The following XPO4 variants were observed in gnomAD, a reference collection of about 807,000 sequenced individuals.
The protein encoded by XPO4 is exportin 4.
In XPO4, 39 loss-of-function variants were observed where a neutral mutation model predicts 143.0. The observed-to-expected ratio is 0.27, with a 90% confidence interval of 0.21 to 0.36. The LOEUF (loss-of-function observed/expected upper bound fraction) is 0.36. Among genes scored for constraint, XPO4 ranks in the 10% least tolerant of loss-of-function variants. The pLI is 1.00. For missense variants in XPO4, 907 were observed against 1,348.0 expected, an observed-to-expected ratio of 0.67 and a Z score of 5.12; for synonymous variants, 439 against 474.0, an observed-to-expected ratio of 0.93 and a Z score of 0.96.
intron 3 of XPO4, among the ~76,000 whole-genome samples, chr13:20,859,526 G>C (rs2197218): frequency 6.6e-6 from 1 of 152,178 alleles, no homozygotes. Flanking sequence ...CGTAAACCCA[G>C]CAGGTGGAGC....
intron 7 of XPO4, among the ~76,000 whole-genome samples, chr13:20,823,369 C>G (rs1310629510): frequency 3.3e-5 from 5 of 152,162 alleles, no homozygotes; most frequent in African/African-American, 1.2e-4. Context: ...CACTGAGTCC[C>G]TTAATCCTTA....
At chr13:20,881,119 TC>T (rs1281172898) in intron 1 of XPO4, among the ~76,000 whole-genome samples, 3 of 152,136 alleles carry the variant, frequency 2.0e-5, no homozygotes, top group Non-Finnish European at 4.4e-5. Context: ...GAAAGTGGAA[TC>T]ATGGTTACCA....
intron 3 of XPO4, among the ~76,000 whole-genome samples, chr13:20,860,887 A>G (rs2060190286): frequency 6.6e-6 from 1 of 152,032 alleles, no homozygotes; most frequent in East Asian, 1.9e-4. Context: ...CTGCAACACT[A>G]ATAGGCTACA....
chr13:20,878,815 CA>C (rs1394528902), intron 1 of XPO4, among the ~76,000 whole-genome samples: 1 of 152,122 alleles, frequency 6.6e-6, no homozygotes, highest in Non-Finnish European at 1.5e-5. Flanking sequence ...TCTATATGAA[CA>C]TTTGCTAATC....
chr13:20,901,979 A>G (rs971961138), intron 1 of XPO4: 4 of 732,676 alleles, frequency 5.5e-6, no homozygotes, highest in Non-Finnish European at 6.7e-6. Context: ...CCCTTAGTAA[A>G]CAATCTCATC....
At chr13:20,856,895 C>T (rs1383567223) in intron 3 of XPO4, 1 of 985,350 alleles carries the variant, frequency 1.0e-6, no homozygotes, top group Admixed American at 6.1e-5. Context: ...GGCACCCTCA[C>T]ATGACAGGAC....
chr13:20,895,553 A>T (rs1566632374), intron 1 of XPO4, among the ~76,000 whole-genome samples: 1 of 151,850 alleles, frequency 6.6e-6, no homozygotes, highest in Non-Finnish European at 1.5e-5. Context: ...AATCACTTGA[A>T]CCTGAGAGGC....
chr13:20,880,400 C>G (rs1388326427), intron 1 of XPO4, among the ~76,000 whole-genome samples: 2 of 151,884 alleles, frequency 1.3e-5, no homozygotes, highest in Admixed American at 6.6e-5. Context: ...CCATTGCACT[C>G]CAGCCTGGGC....
chr13:20,833,990 A>T (rs2059885021), intron 6 of XPO4, among the ~76,000 whole-genome samples: 1 of 152,126 alleles, frequency 6.6e-6, no homozygotes, highest in Admixed American at 6.5e-5. Flanking sequence ...CAGTGATCTA[A>T]AACAGAATGA....
intron 13 of XPO4, among the ~76,000 whole-genome samples, chr13:20,807,166 C>T (rs955085112): frequency 2.0e-5 from 3 of 152,076 alleles, no homozygotes; most frequent in Admixed American, 1.3e-4. Flanking sequence ...GATGGACAGG[C>T]GTTATGTTCC....
chr13:20,853,532 A>C (rs2060111950), intron 4 of XPO4, among the ~76,000 whole-genome samples: 1 of 152,074 alleles, frequency 6.6e-6, no homozygotes, highest in East Asian at 1.9e-4. Context: ...TTCACCTCAA[A>C]AATTTAATAT....
At chr13:20,847,988 T>C (rs1326238356) in intron 4 of XPO4, among the ~76,000 whole-genome samples, 1 of 152,222 alleles carries the variant, frequency 6.6e-6, no homozygotes, top group African/African-American at 2.4e-5. Flanking sequence ...TTATATGATA[T>C]TATACTTAAG....
chr13:20,826,081 T>C (rs1349087772), intron 7 of XPO4, among the ~76,000 whole-genome samples: 2 of 152,238 alleles, frequency 1.3e-5, no homozygotes, highest in African/African-American at 4.8e-5. Context: ...CTTGGGCTTC[T>C]GTCCACGTCA....
chr13:20,863,045 G>A (rs1312691867), intron 2 of XPO4, 187 bp from the exon 3 acceptor site: 1 of 1,299,262 alleles, frequency 7.7e-7, no homozygotes, highest in Non-Finnish European at 9.8e-7. Context: ...ACCTCAGGCA[G>A]GTGGCAGCTA....
At position 20,779,414 on chromosome 13, in the gene XPO4, A is replaced by G. The variant is rs1033071464; in HGVS notation, c.*4308T>C. ...TAATTTCAGGCTAGGAAAATTAGCT[A>G]CTAGTATGTATCTGACAGTTCCTAA... is the stretch of plus-strand genomic sequence containing the variant. On this transcript the variant is annotated 3_prime_UTR_variant, in exon 23 of 23. Transcript: ENST00000255305. 4 of 152,598 alleles carry G rather than the reference A, an allele frequency of 2.6e-5. No individual in the cohort carries two copies. Among genetic ancestry groups the G allele is most frequent in the African/African-American group, 4.8e-5 (2 of 41,430 alleles). The allele number at this position is 152,598 out of a possible 1,614,324, so 9.5% of individuals were successfully genotyped here.
At chr13:20,796,584 T>A (rs1478295363) in intron 17 of XPO4, among the ~76,000 whole-genome samples, 180 bp downstream of exon 17, 3 of 152,108 alleles carry the variant, frequency 2.0e-5, no homozygotes, top group Non-Finnish European at 4.4e-5. Context: ...AAATTTACAT[T>A]CATTCAACAT....
chr13:20,900,431 G>C (rs1057124958), intron 1 of XPO4, among the ~76,000 whole-genome samples: 2 of 152,060 alleles, frequency 1.3e-5, no homozygotes, highest in African/African-American at 4.8e-5. Context: ...AGAGTTACTG[G>C]AGATAAAAAG....
At chr13:20,869,218 A>G (rs1216771449) in intron 1 of XPO4, among the ~76,000 whole-genome samples, 2 of 152,192 alleles carry the variant, frequency 1.3e-5, no homozygotes, top group African/African-American at 4.8e-5. Flanking sequence ...GGGAACAGTT[A>G]AAGTTTGGAA....
chr13:20,857,804 A>G (rs1036161595), intron 3 of XPO4: 3 of 972,886 alleles, frequency 3.1e-6, no homozygotes, highest in Non-Finnish European at 3.7e-6. Flanking sequence ...GTTAAGTGGC[A>G]GAAGTAGGGT....
Sources: gnomAD v4.1 joint callset for allele counts (sites outside exome capture counted in the v4.1 genomes callset) on GRCh38, gnomAD v4.1.1 for gene constraint, MANE v1.5 for transcripts, NCBI Gene and HGNC (gene_info 2026-07-23, HGNC 2026-07-21) for gene names.